GNAQ: variants seen among roughly 807,000 people sequenced by gnomAD.
GNAQ encodes guanine nucleotide-binding protein G(q) subunit alpha.
GNAQ carries 8 observed loss-of-function variants against 43.9 expected under a neutral mutation model. That is an observed-to-expected ratio of 0.18 (90% CI 0.11 to 0.33). GNAQ has a LOEUF of 0.33. Among genes scored for constraint, GNAQ ranks in the 10% least tolerant of loss-of-function variants. The pLI, the probability that GNAQ is intolerant of heterozygous loss-of-function variation, is 1.00. For missense variants in GNAQ, 158 were observed against 450.8 expected (o/e 0.35, Z 5.88); for synonymous variants, 155 against 170.7 (o/e 0.91, Z 0.71).
At chr9:77,752,328 G>A (rs1243513096) in intron 5 of GNAQ, among the ~76,000 whole-genome samples, 1 of 152,178 alleles carries the variant, frequency 6.6e-6, no homozygotes, top group African/African-American at 2.4e-5. Context: ...GTTTCATTTA[G>A]ATCCTTATTA....
intron 2 of GNAQ, among the ~76,000 whole-genome samples, chr9:77,907,874 C>T (rs1326666970): frequency 2.0e-5 from 3 of 152,174 alleles, no homozygotes; most frequent in African/African-American, 7.2e-5. Context: ...CCACAGGTAA[C>T]TGCATTTACT....
chr9:77,857,413 A>G (rs1054760495), intron 2 of GNAQ, among the ~76,000 whole-genome samples: 2 of 152,068 alleles, frequency 1.3e-5, no homozygotes, highest in African/African-American at 4.8e-5. Flanking sequence ...GATCCAGATC[A>G]TATGTAGTAC....
chr9:77,746,156 G>T (rs1825725729), intron 5 of GNAQ, among the ~76,000 whole-genome samples: 2 of 152,138 alleles, frequency 1.3e-5, no homozygotes, highest in African/African-American at 4.8e-5. Flanking sequence ...AAGTTAGAGG[G>T]CAGAATAGGG....
At chr9:77,860,441 T>C (rs1001532433) in intron 2 of GNAQ, among the ~76,000 whole-genome samples, 40 of 152,184 alleles carry the variant, frequency 2.6e-4, no homozygotes, top group Non-Finnish European at 7.3e-5. Context: ...ATAAAGACTG[T>C]GGAATGCTAC....
chr9:77,728,336 A>G (rs1445033863), intron 6 of GNAQ, among the ~76,000 whole-genome samples, 178 bp downstream of exon 6: 1 of 152,226 alleles, frequency 6.6e-6, no homozygotes, highest in Non-Finnish European at 1.5e-5. Flanking sequence ...TAAGGAATGC[A>G]ATGTTTTGTG....
At chr9:77,864,759 G>C (rs1219223101) in intron 2 of GNAQ, among the ~76,000 whole-genome samples, 1 of 152,060 alleles carries the variant, frequency 6.6e-6, no homozygotes, top group East Asian at 1.9e-4. Context: ...CTAAACTTGT[G>C]GTAATACGTT....
chr9:77,788,864 C>T (rs1215783088), intron 5 of GNAQ, among the ~76,000 whole-genome samples: 1 of 152,198 alleles, frequency 6.6e-6, no homozygotes, highest in African/African-American at 2.4e-5. Flanking sequence ...TGAATTCTAA[C>T]ACTTGGTTCC....
At chr9:77,957,426 G>A (rs1016416636) in intron 1 of GNAQ, among the ~76,000 whole-genome samples, 2 of 152,030 alleles carry the variant, frequency 1.3e-5, no homozygotes, top group Non-Finnish European at 2.9e-5. Context: ...ATCCACATCA[G>A]TTACAGCTCT....
chr9:77,992,942 T>C (rs1214975392), intron 1 of GNAQ, among the ~76,000 whole-genome samples: 2 of 152,114 alleles, frequency 1.3e-5, no homozygotes, highest in African/African-American at 4.8e-5. Flanking sequence ...CAAGACTCTA[T>C]CTCAAAAATA....
intron 2 of GNAQ, among the ~76,000 whole-genome samples, chr9:77,853,187 CAGA>C (rs1035416173): frequency 3.1e-4 from 47 of 152,222 alleles, no homozygotes; most frequent in African/African-American, 1.0e-3. Flanking sequence ...GTCTTCCACC[CAGA>C]AGAACAAAGA....
chr9:77,955,366 C>G (rs1823029261), intron 1 of GNAQ, among the ~76,000 whole-genome samples: 1 of 152,174 alleles, frequency 6.6e-6, no homozygotes, highest in Non-Finnish European at 1.5e-5. Context: ...TGGTTTTGAA[C>G]TCCTGACCTT....
At chr9:77,765,930 T>C (rs1356740850) in intron 5 of GNAQ, among the ~76,000 whole-genome samples, 2 of 152,206 alleles carry the variant, frequency 1.3e-5, no homozygotes, top group Admixed American at 6.5e-5. Context: ...GACACATGCA[T>C]GCTACATGAA....
rs575422250 is a variant in GNAQ at position 77,888,709 on chromosome 9, T to C, written c.321+33452A>G. 2.0e-5 allele frequency among the ~76,000 whole-genome samples: 3 copies of C among 152,240 alleles called. No homozygotes were observed. In the East Asian group the frequency reaches 5.8e-4, roughly 29 times the overall value. ...CGTGGAACGCTGGCTGAGAAGAGTG[T>C]CAGATTTTGGAAAAAAAGTGAGGTT... On this transcript the variant is annotated intron_variant, in intron 2 of 6. Transcript: ENST00000286548.
intron 1 of GNAQ, among the ~76,000 whole-genome samples, chr9:77,972,263 A>G (rs772520581): frequency 5.3e-5 from 8 of 152,344 alleles, no homozygotes; most frequent in Admixed American, 1.3e-4. Flanking sequence ...TAAGAAAGTT[A>G]AGAAATATTC....
chr9:77,893,410 T>C (rs1251812054), intron 2 of GNAQ, among the ~76,000 whole-genome samples: 2 of 152,204 alleles, frequency 1.3e-5, no homozygotes, highest in Non-Finnish European at 2.9e-5. Context: ...TTATATGGTC[T>C]GAAAAGGGGA....
chr9:77,851,349 C>T (rs1439714333), intron 2 of GNAQ, among the ~76,000 whole-genome samples: 2 of 152,136 alleles, frequency 1.3e-5, no homozygotes, highest in Admixed American at 6.5e-5. Flanking sequence ...CTCCTTCCCC[C>T]ACCATGGAAT....
chr9:77,783,191 T>C lies in GNAQ; in HGVS notation c.735+11272A>G, dbSNP rs1826423255. The stretch of plus-strand genomic sequence containing the variant: ...ATGAATTGTAACAAATTTGTCACTC[T>C]GGTTCCAGATGCTGATAGTGGGGAA... On this transcript the variant is annotated intron_variant, in intron 5 of 6. Coordinates refer to ENST00000286548, the MANE Select transcript of GNAQ (RefSeq NM_002072.5). Among the ~76,000 whole-genome samples, 3 of 152,244 alleles carry C rather than the reference T, an allele frequency of 2.0e-5. No homozygotes were observed. In the South Asian group the frequency reaches 6.2e-4, roughly 31 times the overall value.
At chr9:78,014,788 C>G (rs1017433228) in intron 1 of GNAQ, among the ~76,000 whole-genome samples, 1 of 152,056 alleles carries the variant, frequency 6.6e-6, no homozygotes, top group African/African-American at 2.4e-5. Flanking sequence ...TAATTCTCAT[C>G]GACGTTTTTT....
At chr9:77,786,349 C>A (rs1322000201) in intron 5 of GNAQ, among the ~76,000 whole-genome samples, 1 of 140,318 alleles carries the variant, frequency 7.1e-6, no homozygotes, top group Non-Finnish European at 1.5e-5. Flanking sequence ...GAGTGAGACT[C>A]TGTCTCAAAA....
Sources: gnomAD v4.1 joint callset for allele counts (sites outside exome capture counted in the v4.1 genomes callset) on GRCh38, gnomAD v4.1.1 for gene constraint, MANE v1.5 for transcripts, NCBI Gene and HGNC (gene_info 2026-07-23, HGNC 2026-07-21) for gene names.